Variants in CNTNAP2 observed in about 807,000 individuals in gnomAD.
CNTNAP2 encodes contactin-associated protein-like 2.
Under a neutral mutation model 155.2 loss-of-function variants are expected in CNTNAP2, and 98 were observed. The ratio of observed to expected loss-of-function variants is 0.63; its 90% confidence interval spans 0.54 to 0.75. CNTNAP2 has a LOEUF of 0.75. Ranked by LOEUF, CNTNAP2 falls within the 30% of genes least tolerant of loss-of-function variation. CNTNAP2 has a pLI of 0.00. For synonymous variants in CNTNAP2, 651 were observed against 631.2 expected, an observed-to-expected ratio of 1.03 and a Z score of -0.47; for missense variants, 1,727 against 1,688.1, an observed-to-expected ratio of 1.02 and a Z score of -0.40.
chr7:146,619,018 G>A (rs1372031728), intron 1 of CNTNAP2, among the ~76,000 whole-genome samples: 1 of 150,860 alleles, frequency 6.6e-6, no homozygotes, highest in Non-Finnish European at 1.5e-5. Context: ...AGGTTGCAGT[G>A]AGCCAAGATT....
chr7:146,889,823 C>T (rs1164957455), intron 3 of CNTNAP2, among the ~76,000 whole-genome samples: 1 of 152,060 alleles, frequency 6.6e-6, no homozygotes, highest in Admixed American at 6.6e-5. Flanking sequence ...CTTCATCAAT[C>T]CCCATGTCTT....
chr7:147,474,145 C>A (rs1006172134), intron 10 of CNTNAP2, among the ~76,000 whole-genome samples: 1 of 151,500 alleles, frequency 6.6e-6, no homozygotes, highest in African/African-American at 2.4e-5. Context: ...GGTTGAATTA[C>A]AAGGGATAAA....
intron 8 of CNTNAP2, among the ~76,000 whole-genome samples, chr7:147,188,477 G>A (rs1802613709): frequency 1.3e-5 from 2 of 152,168 alleles, no homozygotes; most frequent in South Asian, 4.1e-4. Context: ...TCCCCAAGTA[G>A]CAAACAAGAA....
chr7:147,988,188 G>GGAAT (rs1801652001), intron 15 of CNTNAP2, among the ~76,000 whole-genome samples: 1 of 152,182 alleles, frequency 6.6e-6, no homozygotes, highest in South Asian at 2.1e-4. Flanking sequence ...TGATAGAAAT[G>GGAAT]GAATGTTCAT....
Position 146,226,785 on chromosome 7 carries a change from T to A in CNTNAP2, c.97+109812T>A, listed in dbSNP as rs1393533884. 3.9e-5 allele frequency among the ~76,000 whole-genome samples: 6 copies of A among 152,254 alleles called. No individual in the cohort carries two copies. The East Asian group carries it at 1.2e-3, about 29-fold the overall frequency. ...GAAAGGGATGCAAATGAGAACATAATTATTAGTAATCTAAAAGAGAAATGG... is the reference window on the plus strand; with the variant it reads ...GAAAGGGATGCAAATGAGAACATAAATATTAGTAATCTAAAAGAGAAATGG... On this transcript the variant is annotated intron_variant, in intron 1 of 23. Coordinates refer to ENST00000361727, the MANE Select transcript of CNTNAP2 (RefSeq NM_014141.6).
At chr7:148,386,800 T>C (rs1585329173) in intron 22 of CNTNAP2, among the ~76,000 whole-genome samples, 4 of 152,234 alleles carry the variant, frequency 2.6e-5, no homozygotes, top group Middle Eastern at 6.8e-3. Context: ...GGGGACCTTA[T>C]TTATATGCAT....
At chr7:146,584,343 T>C (rs566825969) in intron 1 of CNTNAP2, among the ~76,000 whole-genome samples, 2 of 152,252 alleles carry the variant, frequency 1.3e-5, no homozygotes, top group South Asian at 2.1e-4. Flanking sequence ...TCAATGCTAA[T>C]AGAGTGCCTA....
At chr7:146,193,418 C>A (rs1798734647) in intron 1 of CNTNAP2, among the ~76,000 whole-genome samples, 1 of 152,200 alleles carries the variant, frequency 6.6e-6, no homozygotes, top group East Asian at 1.9e-4. Flanking sequence ...GGTGGAGGTC[C>A]CCAAACCTCA....
intron 1 of CNTNAP2, among the ~76,000 whole-genome samples, chr7:146,549,282 AT>A (rs1472842013): frequency 6.6e-6 from 1 of 151,976 alleles, no homozygotes; most frequent in Non-Finnish European, 1.5e-5. Context: ...ATTCTTTGAT[AT>A]TTTTAATATT....
chr7:148,162,039 T>C (rs908694584), intron 17 of CNTNAP2, among the ~76,000 whole-genome samples: 1 of 152,170 alleles, frequency 6.6e-6, no homozygotes, highest in Non-Finnish European at 1.5e-5. Context: ...ATGTGAAGTC[T>C]GAGAGTGAAG....
At chr7:146,616,739 C>G (rs1420576347) in intron 1 of CNTNAP2, among the ~76,000 whole-genome samples, 1 of 152,194 alleles carries the variant, frequency 6.6e-6, no homozygotes, top group Non-Finnish European at 1.5e-5. Context: ...TCCCACTGCA[C>G]TGCCAACGCA....
intron 4 of CNTNAP2, among the ~76,000 whole-genome samples, chr7:147,067,746 A>C (rs146255657): frequency 6.6e-6 from 1 of 152,204 alleles, no homozygotes; most frequent in African/African-American, 2.4e-5. Flanking sequence ...TGATAGAAAG[A>C]AAATAATTTC....
intron 13 of CNTNAP2, among the ~76,000 whole-genome samples, chr7:147,739,096 C>A (rs189486345): frequency 8.2e-6 from 1 of 121,940 alleles, no homozygotes; most frequent in East Asian, 2.5e-4. Flanking sequence ...ACTTTGCATT[C>A]AATTACAGCT....
At chr7:147,008,380 A>T (rs1442147526) in intron 3 of CNTNAP2, among the ~76,000 whole-genome samples, 2 of 152,052 alleles carry the variant, frequency 1.3e-5, no homozygotes, top group Non-Finnish European at 2.9e-5. Flanking sequence ...ATGGTGATTC[A>T]TTTTCAAAAT....
chr7:147,234,994 T>C (rs1308051776), intron 8 of CNTNAP2, among the ~76,000 whole-genome samples: 2 of 152,116 alleles, frequency 1.3e-5, no homozygotes, highest in African/African-American at 2.4e-5. Context: ...CCCAGACATT[T>C]AGCCAGACAT....
intron 1 of CNTNAP2, among the ~76,000 whole-genome samples, chr7:146,617,174 G>A (rs1799240669): frequency 1.3e-5 from 2 of 152,054 alleles, no homozygotes; most frequent in Non-Finnish European, 2.9e-5. Flanking sequence ...CTGTATTTTT[G>A]TCTTATCTTG....
At chr7:147,563,221 G>C (rs1800098902) in intron 12 of CNTNAP2, among the ~76,000 whole-genome samples, 1 of 152,094 alleles carries the variant, frequency 6.6e-6, no homozygotes, top group Non-Finnish European at 1.5e-5. Context: ...TAGCATTATT[G>C]TATGAATACA....
At chr7:146,156,967 C>T (rs896785133) in intron 1 of CNTNAP2, among the ~76,000 whole-genome samples, 3 of 152,102 alleles carry the variant, frequency 2.0e-5, no homozygotes, top group African/African-American at 7.2e-5. Flanking sequence ...ATCAGCTGTG[C>T]AGAGTTTAAA....
chr7:146,966,312 G>T (rs953566376), intron 3 of CNTNAP2, among the ~76,000 whole-genome samples: 56 of 152,218 alleles, frequency 3.7e-4, no homozygotes, highest in East Asian at 3.9e-4. Context: ...AGCCCAAAGG[G>T]TTATCACCCA....
Sources: allele counts gnomAD v4.1 joint callset (sites outside exome capture counted in the v4.1 genomes callset), GRCh38; gene constraint gnomAD v4.1.1; transcripts MANE v1.5; gene names NCBI Gene and HGNC (gene_info 2026-07-23, HGNC 2026-07-21).